Variants in ABCB5 observed in about 807,000 individuals in gnomAD.
ABCB5 encodes ATP binding cassette subfamily B member 5.
Under a neutral mutation model 144.2 loss-of-function variants are expected in ABCB5, and 155 were observed. The ratio of observed to expected loss-of-function variants is 1.08; its 90% CI spans 0.94 to 1.23. The LOEUF is 1.23. Among genes scored for constraint, ABCB5 ranks in the 50% most tolerant of loss-of-function variants. The pLI, the probability that ABCB5 is intolerant of heterozygous loss-of-function variation, is 0.00. For missense variants in ABCB5, 1,830 were observed against 1,520.8 expected, an observed-to-expected ratio of 1.20 and a Z score of -3.38; for synonymous variants, 610 against 528.6, an observed-to-expected ratio of 1.15 and a Z score of -2.11.
At chr7:20,651,745 C>A in intron 13 of ABCB5, 122 bp downstream of exon 13, 1 of 1,067,950 alleles carries the variant, frequency 9.4e-7, no homozygotes, top group Non-Finnish European at 1.4e-6. Flanking sequence ...TCTGGATTGT[C>A]CTAGAACAAG....
chr7:20,654,746 C>G (rs1784715047), intron 13 of ABCB5, among the ~76,000 whole-genome samples: 1 of 151,650 alleles, frequency 6.6e-6, no homozygotes, highest in Non-Finnish European at 1.5e-5. Flanking sequence ...AAAGAAATTT[C>G]AAGAAAAATG....
chr7:20,678,332 T>C (rs1006385776), intron 14 of ABCB5, among the ~76,000 whole-genome samples: 1 of 152,194 alleles, frequency 6.6e-6, no homozygotes, highest in African/African-American at 2.4e-5. Flanking sequence ...TATCACCTGC[T>C]TCATCAAGTT....
At chr7:20,734,176 A>G (rs1258136764) in intron 23 of ABCB5, among the ~76,000 whole-genome samples, 3 of 151,886 alleles carry the variant, frequency 2.0e-5, no homozygotes, top group Admixed American at 6.6e-5. Flanking sequence ...ATGTGTCACA[A>G]GCTCCCTTTA....
chr7:20,702,560 C>T (rs886594865), intron 19 of ABCB5, among the ~76,000 whole-genome samples: 5 of 151,984 alleles, frequency 3.3e-5, no homozygotes, highest in Non-Finnish European at 7.4e-5. Context: ...CACAAACCTA[C>T]ACATGTACTC....
chr7:20,637,552 C>T (rs118012379), intron 5 of ABCB5, among the ~76,000 whole-genome samples: 2,633 of 151,928 alleles, frequency 0.017, 31 homozygotes, highest in Middle Eastern at 0.031. Flanking sequence ...TCGTGAGTAG[C>T]TGGGAATACA....
intron 20 of ABCB5, among the ~76,000 whole-genome samples, chr7:20,716,237 T>A (rs6949505): frequency 0.022 from 3,358 of 152,198 alleles, 108 homozygotes; most frequent in African/African-American, 0.072. Context: ...AAAAGAAACT[T>A]CCAAGTGGAA....
chr7:20,623,328 C>A lies in ABCB5; in HGVS notation c.43C>A (p.Gln15Lys). ...ERAEEMQENYQRNGTAEEQPK... is the reference protein window; with the variant it reads ...ERAEEMQENYKRNGTAEEQPK... ...AGCTGAAGAAATGCAAGAAAATTATCAGAGAAATGGGTAAGCTCTCACTAA... is the reference window on the plus strand; with the variant it reads ...AGCTGAAGAAATGCAAGAAAATTATAAGAGAAATGGGTAAGCTCTCACTAA... The change falls in exon 2 of 28, where the codon CAG (glutamine) becomes AAG (lysine). Residue 15 changes from glutamine to lysine, a missense_variant. Gln to Lys is a moderately conservative substitution (Grantham distance 53). Coordinates refer to ENST00000404938, the MANE Select transcript of ABCB5 (RefSeq NM_001163941.2). The A allele has an allele frequency of 1.9e-6, 3 of 1,549,244 alleles. No individual in the cohort carries two copies. Among genetic ancestry groups the A allele is most frequent in the Non-Finnish European group, 2.6e-6 (3 of 1,144,278 alleles).
At chr7:20,743,252 T>C (rs1012484286) in intron 25 of ABCB5, among the ~76,000 whole-genome samples, 178 bp downstream of exon 25, 5 of 152,170 alleles carry the variant, frequency 3.3e-5, no homozygotes, top group African/African-American at 1.2e-4. Context: ...ACAAAAATGA[T>C]GGTTAGGACT....
chr7:20,744,087 CAG>C (rs1431388741), intron 25 of ABCB5, among the ~76,000 whole-genome samples: 1 of 151,990 alleles, frequency 6.6e-6, no homozygotes, highest in Admixed American at 6.6e-5. Flanking sequence ...TTTTTTGAGA[CAG>C]AGTCTTGCTC....
chr7:20,681,034 C>CCTT (rs1562559004), intron 14 of ABCB5, among the ~76,000 whole-genome samples: 1 of 23,136 alleles, frequency 4.3e-5, no homozygotes, highest in African/African-American at 2.1e-4. Flanking sequence ...TTCTTTCTTT[C>CCTT]TCTTTCTTTC....
chr7:20,651,833 A>AT (rs1784605046), intron 13 of ABCB5: 8 of 547,600 alleles, frequency 1.5e-5, no homozygotes, highest in African/African-American at 3.8e-5. Flanking sequence ...ACATTATGAG[A>AT]TTTTTTTGTG....
rs1254408417 is a variant in ABCB5 at position 20,681,663 on chromosome 7, A to T, written c.1866A>T (p.Ser622=). 2 of 1,613,724 alleles carry T rather than the reference A, an allele frequency of 1.2e-6. No individual in the cohort carries two copies. Among genetic ancestry groups the T allele is most frequent in the African/African-American group, 2.7e-5 (2 of 74,908 alleles). Residue 622 remains serine, a synonymous_variant, in exon 15 of 28, where the codon TCA becomes TCT. Coordinates refer to ENST00000404938, the MANE Select transcript of ABCB5 (RefSeq NM_001163941.2). ...GTCTATATTATTCACTTGTGATGTC[A>T]CAGGTAATGCTTATGTGACATAATG... The part of the protein sequence containing the change: ...KRGLYYSLVM[S]QDIKKADEQM...
chr7:20,661,561 A>C (rs1021340812), intron 14 of ABCB5, among the ~76,000 whole-genome samples: 11 of 117,826 alleles, frequency 9.3e-5, no homozygotes, highest in South Asian at 6.2e-4. Context: ...TTTGAGACCG[A>C]GTCTCACTCT....
intron 14 of ABCB5, among the ~76,000 whole-genome samples, chr7:20,678,913 G>T (rs1430576372): frequency 2.0e-5 from 3 of 152,134 alleles, no homozygotes; most frequent in Non-Finnish European, 4.4e-5. Flanking sequence ...GGGACACCTG[G>T]TTAACTCTAT....
chr7:20,702,762 C>T (rs555401198), intron 19 of ABCB5, among the ~76,000 whole-genome samples: 4 of 149,906 alleles, frequency 2.7e-5, no homozygotes, highest in Non-Finnish European at 4.4e-5. Context: ...CCAGGGTTCA[C>T]GCCATTCTCA....
intron 17 of ABCB5, among the ~76,000 whole-genome samples, chr7:20,698,827 C>T (rs901234869): frequency 3.3e-5 from 5 of 152,194 alleles, no homozygotes; most frequent in Admixed American, 2.0e-4. Flanking sequence ...CATTCCAAAA[C>T]ACTGAAGAAA....
At chr7:20,679,485 A>AAG (rs1562557961) in intron 14 of ABCB5, among the ~76,000 whole-genome samples, 19 of 147,522 alleles carry the variant, frequency 1.3e-4, no homozygotes, top group African/African-American at 3.4e-4. Flanking sequence ...AAAAAAAAAA[A>AAG]AGAGAGAGAG....
intron 24 of ABCB5, among the ~76,000 whole-genome samples, chr7:20,741,937 T>C (rs1031806227): frequency 2.6e-5 from 4 of 152,250 alleles, no homozygotes; most frequent in Non-Finnish European, 5.9e-5. Context: ...GTTAATCATT[T>C]AGTGATAGTT....
In ABCB5 at chr7:20,732,330, A is replaced by C. The variant is rs147054585; in HGVS notation, c.2867+3875A>C. ...GTTCCCCTAACCCTCCCTCCTCATCACTCTCTTTCCCATCACCATATTTTG... is the reference window on the plus strand; with the variant it reads ...GTTCCCCTAACCCTCCCTCCTCATCCCTCTCTTTCCCATCACCATATTTTG... On this transcript the variant is annotated intron_variant, in intron 23 of 27. Transcript: ENST00000404938. 7.2e-3 allele frequency among the ~76,000 whole-genome samples: 1,093 copies of C among 151,736 alleles called. 8 individuals carry two copies. The highest frequency in any genetic ancestry group is 0.037 in the South Asian group (177 of 4,790).
Sources: allele counts gnomAD v4.1 joint callset (sites outside exome capture counted in the v4.1 genomes callset), GRCh38; gene constraint gnomAD v4.1.1; transcripts MANE v1.5; gene names NCBI Gene and HGNC (gene_info 2026-07-23, HGNC 2026-07-21).